PCSK5: variants seen among roughly 807,000 people sequenced by gnomAD.
PCSK5 encodes the protein proprotein convertase subtilisin/kexin type 5, also known as prohormone convertase 5.
PCSK5 carries 129 observed loss-of-function variants against 233.2 expected under a neutral mutation model. That is an observed-to-expected ratio of 0.55 (90% CI 0.48 to 0.64). The LOEUF is 0.64. PCSK5 is among the 30% of genes least tolerant of loss of function. PCSK5 has a pLI of 0.00. For missense variants in PCSK5, 2,076 were observed against 2,430.1 expected (o/e 0.85, Z 3.06); for synonymous variants, 825 against 879.2 (o/e 0.94, Z 1.09).
intron 24 of PCSK5, among the ~76,000 whole-genome samples, chr9:76,285,919 A>G (rs894991069): frequency 6.6e-6 from 1 of 152,240 alleles, no homozygotes; most frequent in African/African-American, 2.4e-5. Context: ...ATAGTGAACT[A>G]TTAAATTTCT....
intron 30 of PCSK5, among the ~76,000 whole-genome samples, chr9:76,320,521 T>C (rs541121648): frequency 3.8e-5 from 4 of 104,152 alleles, no homozygotes; most frequent in Non-Finnish European, 3.8e-5. Flanking sequence ...TAGGCTGGAG[T>C]GCAGTGGAGT....
chr9:76,339,267 G>C (rs1829764529), intron 35 of PCSK5, among the ~76,000 whole-genome samples: 1 of 151,890 alleles, frequency 6.6e-6, no homozygotes, highest in Non-Finnish European at 1.5e-5. Flanking sequence ...AAACTTTCTA[G>C]AAAAATATTA....
chr9:76,026,947 C>A lies in PCSK5; in HGVS notation c.556-14C>A. 1 of 1,595,714 alleles carries A rather than the reference C, an allele frequency of 6.3e-7. No individual in the cohort carries two copies. Among genetic ancestry groups the A allele is most frequent in the Non-Finnish European group, 8.6e-7 (1 of 1,165,514 alleles). ...TCCATTTCCTTTCCCTTGCTCTCTC[C>A]TCTGTGGCCATAGGATGCTCTGGCA... On this transcript the variant is annotated splice_polypyrimidine_tract_variant and intron_variant, in intron 4 of 37. Transcript: ENST00000674117.
intron 17 of PCSK5, among the ~76,000 whole-genome samples, chr9:76,187,084 G>C (rs189320083): frequency 6.6e-6 from 1 of 151,994 alleles, no homozygotes; most frequent in Non-Finnish European, 1.5e-5. Flanking sequence ...GGGACTGTTC[G>C]GGTTTCTTTT....
intron 7 of PCSK5, among the ~76,000 whole-genome samples, chr9:76,094,771 C>T (rs1039305364): frequency 2.0e-5 from 3 of 151,934 alleles, no homozygotes; most frequent in South Asian, 2.1e-4. Context: ...CACCACGCCT[C>T]GCTAATTTTT....
At chr9:76,203,827 A>G (rs1318635035) in intron 20 of PCSK5, among the ~76,000 whole-genome samples, 1 of 152,176 alleles carries the variant, frequency 6.6e-6, no homozygotes, top group Admixed American at 6.5e-5. Context: ...GATCTTTTCA[A>G]GACATGGTTC....
Position 76,077,338 on chromosome 9 carries a change from A to G in PCSK5, c.894+5440A>G, listed in dbSNP as rs114819553. On this transcript the variant is annotated intron_variant, in intron 7 of 37. Transcript: ENST00000674117. ...TCATCAAAATTTCTCTCTCAACTCT[A>G]TTGTTACCATCAATATCCATTTGTA... Among the ~76,000 whole-genome samples, 568 of 152,190 alleles carry G rather than the reference A, an allele frequency of 3.7e-3. 4 individuals are homozygous for G. Among genetic ancestry groups the G allele is most frequent in the African/African-American group, 0.013 (525 of 41,512 alleles).
intron 5 of PCSK5, among the ~76,000 whole-genome samples, chr9:76,043,432 T>C (rs1316643163): frequency 6.6e-6 from 1 of 151,918 alleles, no homozygotes; most frequent in African/African-American, 2.4e-5. Flanking sequence ...GCAATTTTCA[T>C]GGAAAGAAAA....
chr9:76,350,064 G>A (rs1038459641), intron 35 of PCSK5, among the ~76,000 whole-genome samples: 1 of 150,560 alleles, frequency 6.6e-6, no homozygotes, highest in Non-Finnish European at 1.5e-5. Context: ...GATCCCTTGA[G>A]TCCAGGAATT....
At chr9:76,319,910 C>G (rs1423518508) in intron 30 of PCSK5, among the ~76,000 whole-genome samples, 1 of 152,158 alleles carries the variant, frequency 6.6e-6, no homozygotes, top group East Asian at 1.9e-4. Context: ...CGCTGACGTA[C>G]ACTGCCTTCT....
At chr9:76,125,113 T>C (rs2131725226) in intron 9 of PCSK5, among the ~76,000 whole-genome samples, 1 of 152,170 alleles carries the variant, frequency 6.6e-6, no homozygotes, top group South Asian at 2.1e-4. Context: ...AAATTATTCA[T>C]TCTCAATTTA....
intron 24 of PCSK5, among the ~76,000 whole-genome samples, chr9:76,277,989 A>G (rs755921562): frequency 2.6e-5 from 4 of 152,206 alleles, no homozygotes; most frequent in Non-Finnish European, 5.9e-5. Flanking sequence ...AATATGCATT[A>G]TTGACAATTT....
intron 8 of PCSK5, among the ~76,000 whole-genome samples, chr9:76,096,947 T>C (rs1389551912): frequency 6.6e-6 from 1 of 151,022 alleles, no homozygotes; most frequent in Non-Finnish European, 1.5e-5. Context: ...TATTTTTTTT[T>C]TTGAGACAGA....
In PCSK5 at chr9:76,095,988, C is replaced by T; in HGVS notation, c.993C>T (p.Tyr331=). ...GTGATGGCTACACCAACAGCATCTACACCATCTCCATCAGCAGCACTGCAG... is the reference window on the plus strand; with the variant it reads ...GTGATGGCTACACCAACAGCATCTATACCATCTCCATCAGCAGCACTGCAG... ...CSCDGYTNSI[Y]TISISSTAES... Residue 331 remains tyrosine (Y), a synonymous_variant, in exon 8 of 38, where the codon TAC becomes TAT. Coordinates refer to ENST00000674117, the MANE Select transcript of PCSK5 (RefSeq NM_001372043.1). The T allele has an allele frequency of 1.2e-6, 2 of 1,614,096 alleles. No homozygotes were observed. The highest frequency in any genetic ancestry group is 1.7e-6 in the Non-Finnish European group (2 of 1,179,960).
chr9:76,312,460 G>T (rs961357732), intron 30 of PCSK5, among the ~76,000 whole-genome samples: 1 of 148,852 alleles, frequency 6.7e-6, no homozygotes, highest in African/African-American at 2.5e-5. Flanking sequence ...GGTGAGCTAA[G>T]ATCACACCGT....
chr9:75,992,058 T>C (rs1826790393), intron 3 of PCSK5, among the ~76,000 whole-genome samples: 1 of 152,128 alleles, frequency 6.6e-6, no homozygotes, highest in South Asian at 2.1e-4. Context: ...ATTGCACCAT[T>C]ATGCTCTGAT....
rs777391572 is a variant in PCSK5, at chr9:76,193,197, G to A, written c.2626+3451G>A. 50 of 1,595,658 alleles carry A rather than the reference G, an allele frequency of 3.1e-5. 1 individual carries two copies. The highest frequency in any genetic ancestry group is 4.0e-5 in the Non-Finnish European group (47 of 1,167,952). ...CATGTGTGTACATCATGCTGCTCTCGTCTTCAACTCCCCTTCTCTCTTGCT... is the reference window on the plus strand; with the variant it reads ...CATGTGTGTACATCATGCTGCTCTCATCTTCAACTCCCCTTCTCTCTTGCT... On this transcript the variant is annotated intron_variant, in intron 20 of 37. Coordinates refer to ENST00000674117, the MANE Select transcript of PCSK5 (RefSeq NM_001372043.1).
intron 5 of PCSK5, among the ~76,000 whole-genome samples, chr9:76,053,746 C>T (rs958649409): frequency 3.3e-5 from 5 of 152,146 alleles, no homozygotes; most frequent in African/African-American, 9.7e-5. Context: ...CATGTCTCTA[C>T]GAAGTTCCAA....
intron 8 of PCSK5, among the ~76,000 whole-genome samples, chr9:76,098,557 A>G (rs985202060): frequency 1.3e-5 from 2 of 152,224 alleles, no homozygotes; most frequent in Non-Finnish European, 2.9e-5. Flanking sequence ...AAACTCGAAT[A>G]AGAGTTCTCG....
Sources: gnomAD v4.1 joint callset for allele counts (sites outside exome capture counted in the v4.1 genomes callset) on GRCh38, gnomAD v4.1.1 for gene constraint, MANE v1.5 for transcripts, NCBI Gene and HGNC (gene_info 2026-07-23, HGNC 2026-07-21) for gene names.